BCKDHB: variants seen among roughly 807,000 people sequenced by gnomAD.
The protein encoded by BCKDHB is branched chain keto acid dehydrogenase E1 subunit beta, also known as 2-oxoisovalerate dehydrogenase subunit beta, mitochondrial.
BCKDHB carries 41 observed loss-of-function variants against 48.5 expected under a neutral mutation model. The observed-to-expected ratio is 0.85, with a 90% CI of 0.66 to 1.10. BCKDHB has a LOEUF of 1.10. Among genes scored for constraint, BCKDHB ranks in the 50% least tolerant of loss-of-function variants. The probability of loss-of-function intolerance (pLI) is 0.00; values close to 1 mark genes in which losing one functional copy is unlikely to be tolerated. For missense variants in BCKDHB, 496 were observed against 494.2 expected, an observed-to-expected ratio of 1.00 and a Z score of -0.03; for synonymous variants, 201 against 174.8, an observed-to-expected ratio of 1.15 and a Z score of -1.18.
chr6:80,423,689 T>C, the BCKDHB span, among the ~76,000 whole-genome samples: 1 of 152,220 alleles, frequency 6.6e-6, no homozygotes, highest in East Asian at 1.9e-4. Flanking sequence ...TTGCTGAGTC[T>C]TTTTCTTTAT....
At chr6:80,396,008 A>T in the BCKDHB span, among the ~76,000 whole-genome samples, 1 of 152,180 alleles carries the variant, frequency 6.6e-6, no homozygotes, top group African/African-American at 2.4e-5. Flanking sequence ...ATTTCAGAGG[A>T]TGTATGGAAA....
At chr6:80,241,850 C>G (rs1776403476) in intron 8 of BCKDHB, among the ~76,000 whole-genome samples, 1 of 152,146 alleles carries the variant, frequency 6.6e-6, no homozygotes, top group Admixed American at 6.5e-5. Flanking sequence ...TCTGTAATTG[C>G]TAATGAGGTT....
At chr6:80,315,949 A>T (rs1768424926) in intron 9 of BCKDHB, among the ~76,000 whole-genome samples, 1 of 152,208 alleles carries the variant, frequency 6.6e-6, no homozygotes, top group South Asian at 2.1e-4. Flanking sequence ...CGCAATTTAG[A>T]GTATTAACTG....
chr6:80,171,491 T>G (rs1429718794), intron 6 of BCKDHB, 101 bp downstream of exon 6: 5 of 696,692 alleles, frequency 7.2e-6, no homozygotes, highest in Non-Finnish European at 1.2e-5. Context: ...TTGATTTATA[T>G]TTTCCTTGTA....
intron 8 of BCKDHB, among the ~76,000 whole-genome samples, chr6:80,238,272 A>G (rs1432615062): frequency 6.6e-6 from 1 of 151,894 alleles, no homozygotes; most frequent in Non-Finnish European, 1.5e-5. Flanking sequence ...TAGTTTTTGT[A>G]TTTTTTAGTA....
chr6:80,200,296 G>A (rs1176702011), intron 6 of BCKDHB, among the ~76,000 whole-genome samples: 1 of 152,074 alleles, frequency 6.6e-6, no homozygotes, highest in African/African-American at 2.4e-5. Flanking sequence ...TCTTTTTGAG[G>A]TCTACAGTAT....
the BCKDHB span, among the ~76,000 whole-genome samples, chr6:80,403,596 C>A: frequency 2.0e-4 from 30 of 151,984 alleles, 1 homozygote; most frequent in East Asian, 7.7e-4. Flanking sequence ...CTTGCTCTGA[C>A]TAAAACTTCC....
the BCKDHB span, among the ~76,000 whole-genome samples, chr6:80,439,796 A>G: frequency 0.011 from 1,660 of 152,316 alleles, 15 homozygotes; most frequent in African/African-American, 0.025. Context: ...AGAATAGAGG[A>G]GGCCAAAACC....
chr6:80,323,822 G>T (rs1768872593), intron 9 of BCKDHB, among the ~76,000 whole-genome samples: 1 of 152,156 alleles, frequency 6.6e-6, no homozygotes, highest in African/African-American at 2.4e-5. Flanking sequence ...GCCCAGGCTG[G>T]CGTGCAGTGG....
intron 8 of BCKDHB, among the ~76,000 whole-genome samples, chr6:80,210,819 T>G (rs942690127): frequency 4.6e-5 from 7 of 152,124 alleles, no homozygotes; most frequent in Admixed American, 6.6e-5. Context: ...CTGTTCTCTC[T>G]CAAGCCTTCC....
intron 3 of BCKDHB, among the ~76,000 whole-genome samples, chr6:80,144,109 A>G (rs1771352062): frequency 6.6e-6 from 1 of 152,162 alleles, no homozygotes; most frequent in South Asian, 2.1e-4. Context: ...TCAAAACTCA[A>G]AAGGAAACTC....
intron 8 of BCKDHB, among the ~76,000 whole-genome samples, chr6:80,217,885 GGATT>G (rs1775244276): frequency 6.6e-6 from 1 of 152,206 alleles, no homozygotes; most frequent in African/African-American, 2.4e-5. Flanking sequence ...GAGTCAGGAA[GGATT>G]GAGCCTGTTG....
intron 3 of BCKDHB, among the ~76,000 whole-genome samples, chr6:80,158,718 A>T (rs1412917251): frequency 6.6e-6 from 1 of 152,142 alleles, no homozygotes; most frequent in Admixed American, 6.5e-5. Context: ...TGGATGGGAG[A>T]TGCCAAGCAT....
Position 80,286,751 on chromosome 6 carries a change from C to T in BCKDHB, c.1038+13530C>T, listed in dbSNP as rs573918413. On this transcript the variant is annotated intron_variant, in intron 9 of 9. Transcript: ENST00000320393. Reference sequence around the variant, plus strand: ...AGCATTTTTAAATTGATAAGTGTTTCATAGACAGAGTCTGAAGCCCTGTGT... The same window carrying T: ...AGCATTTTTAAATTGATAAGTGTTTTATAGACAGAGTCTGAAGCCCTGTGT... Among the ~76,000 whole-genome samples, 15 of 152,238 alleles carry T rather than the reference C, an allele frequency of 9.9e-5. No homozygotes were observed. The South Asian group carries it at 2.5e-3, about 25-fold the overall frequency.
intron 3 of BCKDHB, among the ~76,000 whole-genome samples, chr6:80,161,721 C>T (rs1034873224): frequency 3.3e-5 from 5 of 152,124 alleles, no homozygotes; most frequent in African/African-American, 9.7e-5. Context: ...GTGATCTTAT[C>T]CTCCATCCTA....
At chr6:80,435,155 G>T in the BCKDHB span, among the ~76,000 whole-genome samples, 1 of 152,116 alleles carries the variant, frequency 6.6e-6, no homozygotes, top group Non-Finnish European at 1.5e-5. Flanking sequence ...CCCTATCCTA[G>T]GGATCATGGT....
chr6:80,385,066 T>A, the BCKDHB span, among the ~76,000 whole-genome samples: 1 of 152,072 alleles, frequency 6.6e-6, no homozygotes, highest in Non-Finnish European at 1.5e-5. Context: ...GGCAAGAAGT[T>A]TAGTGATTTT....
chr6:80,222,601 T>A (rs934053637), intron 8 of BCKDHB, among the ~76,000 whole-genome samples: 3 of 152,194 alleles, frequency 2.0e-5, no homozygotes, highest in African/African-American at 4.8e-5. Context: ...TTTTTCCCAT[T>A]GTCTTTTAAG....
At chr6:80,257,178 G>GA (rs1321339632) in intron 8 of BCKDHB, among the ~76,000 whole-genome samples, 1 of 151,968 alleles carries the variant, frequency 6.6e-6, no homozygotes, top group African/African-American at 2.4e-5. Flanking sequence ...GCACAGCAGT[G>GA]AAAAAACAGT....
Sources: allele counts gnomAD v4.1 joint callset (sites outside exome capture counted in the v4.1 genomes callset), GRCh38; gene constraint gnomAD v4.1.1; transcripts MANE v1.5; gene names NCBI Gene and HGNC (gene_info 2026-07-23, HGNC 2026-07-21).